SCRN3: variants seen among roughly 807,000 people sequenced by gnomAD.
The protein encoded by SCRN3 is secernin 3.
SCRN3 carries 39 observed loss-of-function variants against 43.1 expected under a neutral mutation model. The ratio of observed to expected loss-of-function variants is 0.91; its 90% CI spans 0.70 to 1.18. The LOEUF (loss-of-function observed/expected upper bound fraction) is 1.18, where lower values mean the gene tolerates loss of function less well. Ranked by LOEUF, SCRN3 falls within the 50% of genes most tolerant of loss-of-function variation. The probability of loss-of-function intolerance (pLI) is 0.00; values close to 1 mark genes in which losing one functional copy is unlikely to be tolerated. For missense variants in SCRN3, 484 were observed against 498.0 expected (o/e 0.97, Z 0.27); for synonymous variants, 147 against 163.1 (o/e 0.90, Z 0.75).
At chr2:174,409,116 CTT>C (rs1251646205) in intron 5 of SCRN3, among the ~76,000 whole-genome samples, 1 of 120,846 alleles carries the variant, frequency 8.3e-6, no homozygotes, top group Non-Finnish European at 1.8e-5. Flanking sequence ...TAGATTTGGT[CTT>C]TTCACATAGT....
rs1685398445 is a variant in SCRN3, at chr2:174,398,418, T to C, written c.135T>C (p.His45=). 2.5e-6 allele frequency: 4 copies of C among 1,599,832 alleles called. No individual in the cohort carries two copies. Among genetic ancestry groups the C allele is most frequent in the Middle Eastern group, 3.3e-4 (2 of 6,028 alleles). The change falls in exon 2 of 8, where the codon CAT becomes CAC. Residue 45 remains histidine, a synonymous_variant. Coordinates refer to ENST00000272732, the MANE Select transcript of SCRN3 (RefSeq NM_024583.5). The part of the protein sequence containing the change: ...QEVVYFPAVV[H]DNLGERLKCT... Reference sequence around the variant, plus strand: ...TGGTTTATTTTCCTGCTGTAGTTCATGATAACCTGGGAGAACGTCTTAAGG... The same window carrying C: ...TGGTTTATTTTCCTGCTGTAGTTCACGATAACCTGGGAGAACGTCTTAAGG...
intron 5 of SCRN3, among the ~76,000 whole-genome samples, chr2:174,418,673 T>C (rs1037635085): frequency 5.9e-5 from 9 of 152,222 alleles, no homozygotes; most frequent in African/African-American, 2.2e-4. Flanking sequence ...CACAGTATTA[T>C]GGTTCTGACA....
chr2:174,397,920 C>G (rs534149675), intron 1 of SCRN3, among the ~76,000 whole-genome samples: 114 of 152,126 alleles, frequency 7.5e-4, no homozygotes, highest in African/African-American at 2.7e-3. Context: ...AGATTGAGTC[C>G]CAAGTCATAT....
chr2:174,429,882 C>T (rs11745), downstream of SCRN3, among the ~76,000 whole-genome samples: 40,285 of 151,960 alleles, frequency 0.27, 6,088 homozygotes, highest in Middle Eastern at 0.54. Context: ...AGTATGTGAC[C>T]TCTTAAGATT....
chr2:174,411,378 A>G (rs1685910972), intron 5 of SCRN3, among the ~76,000 whole-genome samples: 1 of 152,186 alleles, frequency 6.6e-6, no homozygotes, highest in South Asian at 2.1e-4. Context: ...TATTTGTTAC[A>G]TGGGGGTTCA....
chr2:174,414,781 T>TG (rs397872261), intron 5 of SCRN3, among the ~76,000 whole-genome samples: 1 of 150,498 alleles, frequency 6.6e-6, no homozygotes, highest in Non-Finnish European at 1.5e-5. Context: ...TTTTTTTTTT[T>TG]GAGACAGAGT....
intron 5 of SCRN3, among the ~76,000 whole-genome samples, chr2:174,415,853 C>G (rs1686086884): frequency 6.6e-6 from 1 of 152,046 alleles, no homozygotes; most frequent in Admixed American, 6.6e-5. Flanking sequence ...CCATGTTGTT[C>G]AGGGTGGTGT....
chr2:174,426,500 G>A (rs1231178163), intron 7 of SCRN3, among the ~76,000 whole-genome samples: 5 of 152,060 alleles, frequency 3.3e-5, no homozygotes, highest in Non-Finnish European at 7.4e-5. Context: ...GGCCGGGCGC[G>A]GTGGCTCACG....
At position 174,403,716 on chromosome 2, in the gene SCRN3, G is replaced by A. The variant is rs565547020; in HGVS notation, c.542-387G>A. 7.2e-5 allele frequency among the ~76,000 whole-genome samples: 11 copies of A among 152,228 alleles called. No homozygotes were observed. The East Asian group carries it at 2.1e-3, about 29-fold the overall frequency. ...AAGGATTTGGGGTGGGAGATAAGTA[G>A]GTGTGGCTATAAAAGGGCAACATGA... On this transcript the variant is annotated intron_variant, in intron 4 of 7. Transcript: ENST00000272732.
chr2:174,401,392 C>T (rs2105564545), intron 4 of SCRN3, among the ~76,000 whole-genome samples: 1 of 152,284 alleles, frequency 6.6e-6, no homozygotes, highest in Admixed American at 6.5e-5. Context: ...GGTAGCATTA[C>T]CTCTGGGAAT....
rs376560552 is a variant in SCRN3 at position 174,419,673 on chromosome 2, G to A, written c.755-3212G>A. Among the ~76,000 whole-genome samples, 15 of 152,274 alleles carry A rather than the reference G, an allele frequency of 9.9e-5. No homozygotes were observed. The South Asian group carries it at 1.9e-3, about 19-fold the overall frequency. ...CAAACTGGTGGGATTACAGGCATAA[G>A]CCAGCTTGCCTGGCCTGTGTTTTTT... On this transcript the variant is annotated intron_variant, in intron 5 of 7. Transcript: ENST00000272732.
At chr2:174,401,399 G>A (rs1294066264) in intron 4 of SCRN3, among the ~76,000 whole-genome samples, 1 of 152,136 alleles carries the variant, frequency 6.6e-6, no homozygotes. Flanking sequence ...TTACCTCTGG[G>A]AATATGAATT....
At chr2:174,416,032 A>G (rs541910994) in intron 5 of SCRN3, among the ~76,000 whole-genome samples, 1 of 152,284 alleles carries the variant, frequency 6.6e-6, no homozygotes, top group South Asian at 2.1e-4. Context: ...TCATTAAACA[A>G]ATTATATGGT....
chr2:174,395,765 A>T lies in SCRN3; in HGVS notation c.-62A>T, dbSNP rs1685280914. 1 of 1,581,122 alleles carries T rather than the reference A, an allele frequency of 6.3e-7. No homozygotes were observed. The highest frequency in any genetic ancestry group is 8.6e-7 in the Non-Finnish European group (1 of 1,162,886). On this transcript the variant is annotated 5_prime_UTR_variant, in exon 1 of 8. Transcript: ENST00000272732. ...ACAGCTTCCGGCAACTGATGCCTCC[A>T]CTGGCCACTCCTCCCTCCGTCCACC...
At position 174,395,739 on chromosome 2, in the gene SCRN3, G is replaced by A; in HGVS notation, c.-88G>A. The A allele has an allele frequency of 6.2e-7, 1 of 1,601,862 alleles. No individual in the cohort carries two copies. The highest frequency in any genetic ancestry group is 1.1e-5 in the South Asian group (1 of 89,844). On this transcript the variant is annotated 5_prime_UTR_variant, in exon 1 of 8. Transcript: ENST00000272732. ...AGGGGGAACTTCCGAGATCAAAGGT[G>A]ACAGCTTCCGGCAACTGATGCCTCC...
chr2:174,429,764 G>A (rs1467798283), downstream of SCRN3, among the ~76,000 whole-genome samples: 1 of 152,060 alleles, frequency 6.6e-6, no homozygotes, highest in African/African-American at 2.4e-5. Context: ...AAAATCTTCT[G>A]TGTTCTGCCT....
At position 174,427,758 on chromosome 2, in the gene SCRN3, GA is replaced by G; in HGVS notation, c.1140del (p.Glu380AspfsTer52). 1 of 1,609,832 alleles carries G rather than the reference GA, an allele frequency of 6.2e-7. No individual in the cohort carries two copies. Among genetic ancestry groups the G allele is most frequent in the Non-Finnish European group, 8.5e-7 (1 of 1,177,890 alleles). The part of the protein sequence containing the change: ...MLDNMRKLEK[E>X]LFREMESILQ... ...GGACAACATGAGGAAACTGGAGAAA[GA>G]ACTATTCAGAGAGATGGAATCAATC... On this transcript the variant is annotated frameshift_variant, in exon 8 of 8. Coordinates refer to ENST00000272732, the MANE Select transcript of SCRN3 (RefSeq NM_024583.5). LOFTEE classifies it high-confidence loss of function.
At position 174,417,018 on chromosome 2, in the gene SCRN3, G is replaced by T. The variant is rs1034460533; in HGVS notation, c.755-5867G>T. 2.0e-4 allele frequency among the ~76,000 whole-genome samples: 31 copies of T among 152,102 alleles called. 1 individual carries two copies. The highest frequency in any genetic ancestry group is 1.9e-3 in the Admixed American group (29 of 15,270). ...TATAATTTGAAAAGTTTTCTGTAAA[G>T]TTTCTTAATGTTATAGTTTAATAAA... On this transcript the variant is annotated intron_variant, in intron 5 of 7. Transcript: ENST00000272732.
chr2:174,397,639 C>T (rs1400854014), intron 1 of SCRN3, among the ~76,000 whole-genome samples: 1 of 152,088 alleles, frequency 6.6e-6, no homozygotes, highest in Non-Finnish European at 1.5e-5. Flanking sequence ...TTCCATAAGA[C>T]AAGTTCCAGC....
Sources: allele counts gnomAD v4.1 joint callset (sites outside exome capture counted in the v4.1 genomes callset), GRCh38; gene constraint gnomAD v4.1.1; transcripts MANE v1.5; gene names NCBI Gene and HGNC (gene_info 2026-07-23, HGNC 2026-07-21).